The following UGT1A5 variants were observed in gnomAD, a reference collection of about 807,000 sequenced individuals.
The protein encoded by UGT1A5 is UDP-glucuronosyltransferase 1A5.
UGT1A5 carries 29 observed loss-of-function variants against 40.3 expected under a neutral mutation model. The ratio of observed to expected loss-of-function variants is 0.72; its 90% CI spans 0.54 to 0.98. UGT1A5 has a LOEUF of 0.98. UGT1A5 is among the 50% of genes least tolerant of loss of function. The pLI is 0.00. For synonymous variants in UGT1A5, 257 were observed against 262.5 expected (o/e 0.98, Z 0.20); for missense variants, 678 against 677.9 (o/e 1.00, Z 0.00).
chr2:233,745,133 G>A (rs1291736176), intron 1 of UGT1A5, among the ~76,000 whole-genome samples: 1 of 151,810 alleles, frequency 6.6e-6, no homozygotes, highest in East Asian at 1.9e-4. Flanking sequence ...CTGCAGATGT[G>A]AAGCCCAAGT....
At chr2:233,718,400 G>C (rs565525748) in intron 1 of UGT1A5, among the ~76,000 whole-genome samples, 7 of 152,362 alleles carry the variant, frequency 4.6e-5, no homozygotes, top group Admixed American at 3.9e-4. Flanking sequence ...TTAGCAAATA[G>C]CGTCACATTC....
intron 1 of UGT1A5, among the ~76,000 whole-genome samples, chr2:233,728,342 G>T (rs1241528398): frequency 6.6e-6 from 1 of 152,290 alleles, no homozygotes; most frequent in African/African-American, 2.4e-5. Context: ...CCAGTCCCTT[G>T]GTGAGCAGGA....
chr2:233,758,075 A>C (rs1280685172), intron 1 of UGT1A5, among the ~76,000 whole-genome samples: 1 of 152,176 alleles, frequency 6.6e-6, no homozygotes, highest in African/African-American at 2.4e-5. Flanking sequence ...TTCTGGGCCT[A>C]GTTCCTAGCA....
rs1692071385 is a variant in UGT1A5, at chr2:233,742,695, T to C, written c.868-24339T>C. 2.0e-5 allele frequency: 3 copies of C among 152,474 alleles called. 1 individual carries two copies. Among genetic ancestry groups the C allele is most frequent in the African/African-American group, 7.3e-5 (3 of 41,134 alleles). 9.4% of individuals were successfully genotyped at this position (152,474 alleles called of 1,614,324 possible). ...TTGTCCTCAGCCTTCAGAGGGAACA[T>C]GCTTCCACCGATTTCAGCTCAGTGA... is the stretch of plus-strand genomic sequence containing the variant. On this transcript the variant is annotated intron_variant, in intron 1 of 4. Coordinates refer to ENST00000373414, the MANE Select transcript of UGT1A5 (RefSeq NM_019078.2).
chr2:233,747,645 T>G, intron 1 of UGT1A5: 1 of 1,586,272 alleles, frequency 6.3e-7, no homozygotes, highest in Non-Finnish European at 8.7e-7. Context: ...GAATGCTACT[T>G]CCTTCGATGT....
intron 1 of UGT1A5, among the ~76,000 whole-genome samples, chr2:233,726,156 G>T (rs1332003910): frequency 1.3e-5 from 2 of 152,114 alleles, no homozygotes; most frequent in Non-Finnish European, 2.9e-5. Flanking sequence ...ACAGAGTGAG[G>T]CCCCATTTCA....
At chr2:233,714,401 A>T (rs748552195) in intron 1 of UGT1A5, among the ~76,000 whole-genome samples, 14 of 152,172 alleles carry the variant, frequency 9.2e-5, no homozygotes, top group Non-Finnish European at 1.9e-4. Flanking sequence ...TGTAGGTGCA[A>T]TGGATGTCTG....
intron 1 of UGT1A5, among the ~76,000 whole-genome samples, chr2:233,766,604 C>T (rs1699199811): frequency 6.6e-6 from 1 of 152,174 alleles, no homozygotes; most frequent in Non-Finnish European, 1.5e-5. Flanking sequence ...AGGGACCACA[C>T]CCTCTTCTAC....
intron 1 of UGT1A5, chr2:233,754,324 G>A (rs1695452897): frequency 4.1e-6 from 1 of 246,506 alleles, no homozygotes; most frequent in South Asian, 5.3e-5. Context: ...TCTGCCTCAG[G>A]CTTAAGTTTA....
intron 1 of UGT1A5, among the ~76,000 whole-genome samples, chr2:233,733,728 TG>T (rs1325830019): frequency 1.3e-5 from 2 of 152,260 alleles, no homozygotes; most frequent in Admixed American, 6.5e-5. Flanking sequence ...TGAGGATTTT[TG>T]CATCGATGTT....
chr2:233,745,600 C>G (rs1179957536), intron 1 of UGT1A5, among the ~76,000 whole-genome samples: 2 of 151,524 alleles, frequency 1.3e-5, no homozygotes, highest in African/African-American at 4.9e-5. Context: ...GGACTTGGCA[C>G]TTGGTAAGCA....
rs747145131 is a variant in UGT1A5, at chr2:233,713,500, T to C, written c.509T>C (p.Val170Ala). ...GCTAAGTACCTGTCGATTCCTGCTG[T>C]GTTTTTCTTGAGGAACATTCCATGT... ...VLAKYLSIPAVFFLRNIPCDL... is the reference protein window; with the variant it reads ...VLAKYLSIPAAFFLRNIPCDL... Residue 170 changes from valine (V) to alanine (A), a missense_variant, in exon 1 of 5, where the codon GTG becomes GCG. Val to Ala is a moderately conservative substitution (Grantham distance 64, BLOSUM62 0). Transcript: ENST00000373414. 1 of 1,614,018 alleles carries C rather than the reference T, an allele frequency of 6.2e-7. No homozygotes were observed. Among genetic ancestry groups the C allele is most frequent in the East Asian group, 2.2e-5 (1 of 44,882 alleles).
intron 1 of UGT1A5, among the ~76,000 whole-genome samples, chr2:233,761,451 T>A (rs1697772637): frequency 6.6e-6 from 1 of 152,220 alleles, no homozygotes; most frequent in South Asian, 2.1e-4. Context: ...ATGCTGGGTT[T>A]GGGGCACCCT....
chr2:233,768,750 T>C (rs190233981), intron 4 of UGT1A5, among the ~76,000 whole-genome samples: 30 of 152,044 alleles, frequency 2.0e-4, no homozygotes, highest in Admixed American at 8.5e-4. Flanking sequence ...GCCCGGTTAA[T>C]TTTTGTATTT....
chr2:233,720,704 CT>C (rs796417980), intron 1 of UGT1A5, among the ~76,000 whole-genome samples: 3,410 of 139,098 alleles, frequency 0.025, 114 homozygotes, highest in African/African-American at 0.077. Flanking sequence ...GGGAGCCATC[CT>C]TTTTTTTTTT....
chr2:233,720,872 T>TTG (rs71694891), intron 1 of UGT1A5, among the ~76,000 whole-genome samples: 1 of 39,450 alleles, frequency 2.5e-5, no homozygotes, highest in African/African-American at 3.2e-4. Flanking sequence ...CTCCTGGCAA[T>TTG]TTTTTTTTTT....
chr2:233,757,203 C>G (rs1377755692), intron 1 of UGT1A5, among the ~76,000 whole-genome samples: 1 of 149,926 alleles, frequency 6.7e-6, no homozygotes, highest in Non-Finnish European at 1.5e-5. Context: ...TTTTCTGTGC[C>G]CAGGAAGCTG....
At chr2:233,716,743 T>C (rs576356659) in intron 1 of UGT1A5, among the ~76,000 whole-genome samples, 2 of 152,306 alleles carry the variant, frequency 1.3e-5, no homozygotes, top group East Asian at 1.9e-4. Context: ...CTCTGTGAGA[T>C]TGGGAGAGGG....
Position 233,720,306 on chromosome 2 carries a change from T to A in UGT1A5, c.867+6448T>A, listed in dbSNP as rs1361961474. Among the ~76,000 whole-genome samples, 4 of 152,234 alleles carry A rather than the reference T, an allele frequency of 2.6e-5. No homozygotes were observed. The Middle Eastern group carries it at 0.01, about 388-fold the overall frequency. On this transcript the variant is annotated intron_variant, in intron 1 of 4. Transcript: ENST00000373414. ...TTCTGACCAGGAGTTGGGGGTCTGG[T>A]GTATGATGTGGGGACATCGTAGAGT...
Sources: gnomAD v4.1 joint callset for allele counts (sites outside exome capture counted in the v4.1 genomes callset) on GRCh38, gnomAD v4.1.1 for gene constraint, MANE v1.5 for transcripts, NCBI Gene and HGNC (gene_info 2026-07-23, HGNC 2026-07-21) for gene names.